The following NEB variants were observed in gnomAD, a reference collection of about 807,000 sequenced individuals.
The protein encoded by NEB is nemaline myopathy type 2.
NEB carries 512 observed loss-of-function variants against 952.2 expected under a neutral mutation model. The ratio of observed to expected loss-of-function variants is 0.54; its 90% CI spans 0.50 to 0.58. The LOEUF (loss-of-function observed/expected upper bound fraction) is 0.58, where lower values mean the gene tolerates loss of function less well. NEB is among the 20% of genes least tolerant of loss of function. NEB has a pLI of 0.00. For missense variants in NEB, 8,428 were observed against 9,231.1 expected, an observed-to-expected ratio of 0.91 and a Z score of 3.56; for synonymous variants, 2,900 against 3,149.8, an observed-to-expected ratio of 0.92 and a Z score of 2.66.
rs535864465 is a variant in NEB at position 151,540,608 on chromosome 2, T to C, written c.20787+89A>G. On this transcript the variant is annotated intron_variant, in intron 137 of 181. Transcript: ENST00000397345. ...TGATGCTGAGCACCATTTATAGTAA[T>C]GAGCTCTCTGATCAGAGGTAGCAGG... is the stretch of plus-strand genomic sequence containing the variant. 1,981 of 1,224,622 alleles carry C rather than the reference T, an allele frequency of 1.6e-3. 5 individuals carry two copies. The highest frequency in any genetic ancestry group is 2.1e-3 in the Non-Finnish European group (1,744 of 844,638). The allele number at this position is 1,224,622 out of a possible 1,614,324, so 75.9% of individuals were successfully genotyped here. A position where few individuals can be genotyped will look rare whatever the true frequency, so the allele number is the denominator to read the frequency against.
At position 151,576,359 on chromosome 2, in the gene NEB, A is replaced by C; in HGVS notation, c.16705-5T>G. ...CAAGTCAGCCTTGTAGAGGGCCTGA[A>C]AAAGAAAACACAGGTAGAAGCAGGG... On this transcript the variant is annotated splice_polypyrimidine_tract_variant and splice_region_variant and intron_variant, in intron 105 of 181. Coordinates refer to ENST00000397345, the MANE Select transcript of NEB (RefSeq NM_001164508.2). 2 of 1,582,900 alleles carry C rather than the reference A, an allele frequency of 1.3e-6. No homozygotes were observed. Among genetic ancestry groups the C allele is most frequent in the Non-Finnish European group, 1.7e-6 (2 of 1,160,560 alleles).
chr2:151,699,114 T>C (rs1030708784), intron 13 of NEB, among the ~76,000 whole-genome samples: 3 of 141,542 alleles, frequency 2.1e-5, no homozygotes, highest in African/African-American at 7.9e-5. Flanking sequence ...TATGCGGTGT[T>C]TGGTTTTTTG....
Position 151,524,386 on chromosome 2 carries a change from T to C in NEB, c.22404A>G (p.Glu7468=), listed in dbSNP as rs759011010. ...EVEYRAKHRK[E]GSHGLSMLGR... The stretch of plus-strand genomic sequence containing the variant: ...CGAGCATGCTTAAGCCATGGCTGCC[T>C]TCCTTGCGGTGCTTGGCTCTGTACT... The change falls in exon 153 of 182, where the codon GAA becomes GAG. Residue 7468 remains glutamate, a synonymous_variant. Transcript: ENST00000397345. 1 of 1,614,006 alleles carries C rather than the reference T, an allele frequency of 6.2e-7. No individual in the cohort carries two copies. Among genetic ancestry groups the C allele is most frequent in the South Asian group, 1.1e-5 (1 of 91,084 alleles).
intron 180 of NEB, 24 bp downstream of exon 180, chr2:151,490,348 A>C (rs1336295232): frequency 1.3e-6 from 2 of 1,580,166 alleles, no homozygotes; most frequent in Middle Eastern, 1.7e-4. Context: ...TGGGACTGCC[A>C]AAATCAGCGC....
chr2:151,527,569 T>C lies in NEB; in HGVS notation c.21752A>G (p.Gln7251Arg). ...KVNTNLDYKK[Q>R]YEANKAHWKW... ...CCAGTGGGCTTTGTTGGCTTCGTAC[T>C]GTTTCTTATAGTCCAGCTGTTTTTA... Residue 7251 changes from glutamine to arginine, a missense_variant, in exon 147 of 182, where the codon CAG (glutamine) becomes CGG (arginine). Transcript: ENST00000397345. 4.3e-6 allele frequency: 7 copies of C among 1,612,318 alleles called. No homozygotes were observed. The highest frequency in any genetic ancestry group is 5.9e-6 in the Non-Finnish European group (7 of 1,179,122).
intron 109 of NEB, 124 bp downstream of exon 109, chr2:151,569,957 A>G (rs1244500778): frequency 7.2e-6 from 7 of 974,212 alleles, no homozygotes; most frequent in African/African-American, 1.6e-5. Context: ...ATAAGGTCTC[A>G]CTAATATTAA....
Position 151,506,257 on chromosome 2 carries a change from A to G in NEB, c.23558T>C (p.Val7853Ala), listed in dbSNP as rs778262334. ...TGGTGAGACATCCTCTTTATATAAA[A>G]CCTGGGCATTCAGAATCAGGACAGT... The part of the protein sequence containing the change: ...VKENQKNFSS[V>A]LYKEDVSPGT... Residue 7853 changes from valine (V) to alanine (A), a missense_variant and splice_region_variant, in exon 164 of 182, where the codon GTT becomes GCT. Val to Ala is a moderately conservative substitution (Grantham distance 64). Coordinates refer to ENST00000397345, the MANE Select transcript of NEB (RefSeq NM_001164508.2). 2 of 1,609,038 alleles carry G rather than the reference A, an allele frequency of 1.2e-6. No individual in the cohort carries two copies. Among genetic ancestry groups the G allele is most frequent in the Non-Finnish European group, 1.7e-6 (2 of 1,175,610 alleles).
chr2:151,650,063 TG>T, intron 54 of NEB, 112 bp downstream of exon 54: 1 of 919,664 alleles, frequency 1.1e-6, no homozygotes, highest in Non-Finnish European at 1.7e-6. Context: ...AAATTTTATG[TG>T]GTGATGTATG....
intron 10 of NEB, among the ~76,000 whole-genome samples, chr2:151,712,446 G>C (rs1314439506): frequency 6.6e-6 from 1 of 152,170 alleles, no homozygotes; most frequent in Non-Finnish European, 1.5e-5. Flanking sequence ...TGCAAAACAA[G>C]AGTGTAAGAT....
intron 133 of NEB, among the ~76,000 whole-genome samples, chr2:151,546,849 G>A (rs1287404314): frequency 5.3e-5 from 8 of 152,032 alleles, no homozygotes; most frequent in African/African-American, 9.7e-5. Context: ...GTGAGCCACC[G>A]TGCCCAGCCA....
rs184235026 is a variant in NEB, at chr2:151,568,484, C to A, written c.17635-67G>T. 6.0e-5 allele frequency: 89 copies of A among 1,481,418 alleles called. 1 individual carries two copies. The African/African-American group carries it at 1.1e-3, about 19-fold the overall frequency. 91.8% of individuals were successfully genotyped at this position (1,481,418 alleles called of 1,614,324 possible). A position where few individuals can be genotyped will look rare whatever the true frequency, so the allele number is the denominator to read the frequency against. On this transcript the variant is annotated intron_variant, in intron 111 of 181. Coordinates refer to ENST00000397345, the MANE Select transcript of NEB (RefSeq NM_001164508.2). ...TTAAGAAAGCATCATGTTGTCCAAG[C>A]AATTGTTAGCATCCATCATTTCAAT... is the stretch of plus-strand genomic sequence containing the variant.
chr2:151,650,330 G>A lies in NEB; in HGVS notation c.7277C>T (p.Pro2426Leu). 6.2e-7 allele frequency: 1 copy of A among 1,613,750 alleles called. No homozygotes were observed. The highest frequency in any genetic ancestry group is 8.5e-7 in the Non-Finnish European group (1 of 1,179,842). Residue 2426 changes from proline to leucine, a missense_variant, in exon 54 of 182, where the codon CCC becomes CTC. Around this residue, in one of 11 missense-constraint regions of NEB, gnomAD observed 1,772 missense variants for 1,960.3 expected, o/e 0.90. Transcript: ENST00000397345. ...CTTTTCTGCCTCTAAAGAACCCAAG[G>A]GACTCCATCCTATGCCTCTCAGCCA... is the stretch of plus-strand genomic sequence containing the variant. Reference protein sequence around the residue: ...LEWLRGIGWSPLGSLEAEKNK... With the variant: ...LEWLRGIGWSLLGSLEAEKNK...
Position 151,633,713 on chromosome 2 carries a change from A to G in NEB, c.9355T>C (p.Cys3119Arg), listed in dbSNP as rs1213695402. 3 of 1,613,890 alleles carry G rather than the reference A, an allele frequency of 1.9e-6. No homozygotes were observed. The highest frequency in any genetic ancestry group is 2.5e-6 in the Non-Finnish European group (3 of 1,179,902). The part of the protein sequence containing the change: ...DYKNYLHEWT[C>R]LPDQSDVIHA... ...ATGACATCGCTCTGGTCAGGCAGGC[A>G]TGTCCACTCGTGCAGGTAGTTCTTA... Residue 3119 changes from cysteine to arginine, a missense_variant, in exon 65 of 182, where the codon TGC becomes CGC. Cys to Arg is a radical substitution (Grantham distance 180). Transcript: ENST00000397345.
rs1423349531 is a variant in NEB, at chr2:151,639,379, T to C, written c.8895A>G (p.Leu2965=). The C allele has an allele frequency of 8.5e-6, 13 of 1,529,780 alleles. No individual in the cohort carries two copies. Among genetic ancestry groups the C allele is most frequent in the Non-Finnish European group, 1.1e-5 (13 of 1,138,346 alleles). The allele number at this position is 1,529,780 out of a possible 1,614,324, so 94.8% of individuals were successfully genotyped here. A position where few individuals can be genotyped will look rare whatever the true frequency, so the allele number is the denominator to read the frequency against. ...TGTCTTTGTCCCAGGCTTCTGTGTA[T>C]AAACGCTATCAAAAAAAATACACAA... ...KNNAITMNKR[L]YTEAWDKDKT... The change falls in exon 63 of 182, where the codon TTA becomes TTG. Residue 2965 remains leucine, a synonymous_variant. Coordinates refer to ENST00000397345, the MANE Select transcript of NEB (RefSeq NM_001164508.2).
Position 151,642,611 on chromosome 2 carries a change from A to G in NEB, c.8336T>C (p.Ile2779Thr). 6.2e-7 allele frequency: 1 copy of G among 1,613,822 alleles called. No individual in the cohort carries two copies. Among genetic ancestry groups the G allele is most frequent in the East Asian group, 2.2e-5 (1 of 44,870 alleles). The change falls in exon 60 of 182, where the codon ATC (isoleucine) becomes ACC (threonine). Residue 2779 changes from isoleucine (I) to threonine (T), a missense_variant. By Grantham distance (89) the Ile-to-Thr change is moderately conservative. Coordinates refer to ENST00000397345, the MANE Select transcript of NEB (RefSeq NM_001164508.2). ...GYDMRVDAIP[I>T]KAAKASRDIA... is the part of the protein sequence containing the mutation. ...ATCTCTGGAGGCCTTGGCTGCCTTG[A>G]TAGGAATGGCATCTACCCGCATGTC...
Position 151,570,543 on chromosome 2 carries a change from G to A in NEB, c.17072C>T (p.Ala5691Val), listed in dbSNP as rs760120805. The A allele has an allele frequency of 6.2e-7, 1 of 1,610,920 alleles. No homozygotes were observed. The change falls in exon 108 of 182, where the codon GCC becomes GTC. Residue 5691 changes from alanine (A) to valine (V), a missense_variant. Physicochemically the swap from Ala to Val is moderately conservative, Grantham distance 64. This residue lies in a region of NEB where 3,374 missense variants were observed against 3,651.5 expected (regional missense o/e 0.92). Transcript: ENST00000397345. ...MKAGCDVRLD[A>V]IPIQAAKASR... ...GGCCTTGGCAGCCTGGATGGGGATG[G>A]CATCCAGCCGGACATCACAGCCCGC...
intron 153 of NEB, chr2:151,520,130 G>A (rs2080934659): frequency 6.2e-6 from 1 of 161,628 alleles, no homozygotes; most frequent in African/African-American, 2.4e-5. Flanking sequence ...CTCCTAACTA[G>A]CAAAACCAAC....
At chr2:151,674,731 T>C (rs897225163) in intron 35 of NEB, 147 bp from the exon 36 acceptor site, 1 of 631,822 alleles carries the variant, frequency 1.6e-6, no homozygotes, top group Non-Finnish European at 2.8e-6. Flanking sequence ...TGTCACACTG[T>C]GTGTAGCATG....
intron 161 of NEB, among the ~76,000 whole-genome samples, chr2:151,509,474 C>G (rs776991186): frequency 5.9e-5 from 9 of 152,154 alleles, no homozygotes; most frequent in Non-Finnish European, 1.2e-4. Flanking sequence ...GAGGGATAAT[C>G]ACATTTGCAC....
Sources: gnomAD v4.1 joint callset for allele counts (sites outside exome capture counted in the v4.1 genomes callset) on GRCh38, gnomAD v4.1.1 for gene constraint, gnomAD v4.1.1 regional missense constraint, MANE v1.5 for transcripts, NCBI Gene and HGNC (gene_info 2026-07-23, HGNC 2026-07-21) for gene names.